The following LHX3 variants were observed in gnomAD, a reference collection of about 807,000 sequenced individuals.
LHX3 encodes LIM homeobox 3, also known as LIM/homeobox protein Lhx3.
A neutral mutation model predicts 32.4 loss-of-function variants in LHX3; 21 were observed. The ratio of observed to expected loss-of-function variants is 0.65; its 90% CI spans 0.46 to 0.93. The LOEUF (loss-of-function observed/expected upper bound fraction) is 0.93. LHX3 is among the 40% of genes least tolerant of loss of function. The probability of loss-of-function intolerance (pLI) is 0.00; values close to 1 mark genes in which losing one functional copy is unlikely to be tolerated. For missense variants in LHX3, 626 were observed against 560.0 expected, an observed-to-expected ratio of 1.12 and a Z score of -1.19; for synonymous variants, 258 against 246.8, an observed-to-expected ratio of 1.05 and a Z score of -0.43.
Position 136,197,061 on chromosome 9 carries a change from G to A in LHX3, c.*264C>T. 1 of 579,400 alleles carries A rather than the reference G, an allele frequency of 1.7e-6. No homozygotes were observed. Among genetic ancestry groups the A allele is most frequent in the South Asian group, 2.1e-5 (1 of 48,200 alleles). The allele number at this position is 579,400 out of a possible 1,614,324, so 35.9% of individuals were successfully genotyped here. ...AATAGCAGCAAGTGCTCAGTTAATT[G>A]GTCAATAAAGGGGAGAAATTTGCTT... On this transcript the variant is annotated 3_prime_UTR_variant, in exon 6 of 6. Coordinates refer to ENST00000371748, the MANE Select transcript of LHX3 (RefSeq NM_178138.6).
chr9:136,197,520 G>T lies in LHX3; in HGVS notation c.999C>A (p.Leu333=). Residue 333 remains leucine (L), a synonymous_variant, in exon 6 of 6, where the codon CTC becomes CTA. Coordinates refer to ENST00000371748, the MANE Select transcript of LHX3 (RefSeq NM_178138.6). The part of the protein sequence containing the change: ...APQSLPGPQP[L]LSSLVYPDTS... ...TGTCTGGGTACACCAGGCTGGAGAG[G>T]AGGGGCTGGGGGCCAGGGAGGCTCT... 1 of 1,537,614 alleles carries T rather than the reference G, an allele frequency of 6.5e-7. No homozygotes were observed. The highest frequency in any genetic ancestry group is 1.2e-5 in the South Asian group (1 of 83,134).
rs773818133 is a variant in LHX3 at position 136,197,276 on chromosome 9, C to G, written c.*49G>C. On this transcript the variant is annotated 3_prime_UTR_variant, in exon 6 of 6. Transcript: ENST00000371748. ...AACCCCAGCAGCCCCGAGCCGCCCACCCAGGGGCAGCTCCCTCGTGTGAGG... is the reference window on the plus strand; with the variant it reads ...AACCCCAGCAGCCCCGAGCCGCCCAGCCAGGGGCAGCTCCCTCGTGTGAGG... 6.9e-6 allele frequency: 11 copies of G among 1,599,376 alleles called. No individual in the cohort carries two copies. In the African/African-American group the frequency reaches 1.5e-4, roughly 21 times the overall value.
chr9:136,198,619 T>TG (rs1564282073), intron 5 of LHX3, 33 bp downstream of exon 5: 3 of 1,519,254 alleles, frequency 2.0e-6, no homozygotes, highest in Non-Finnish European at 2.7e-6. Flanking sequence ...CGCGCGCTCG[T>TG]CCCCCCCCGA....
At chr9:136,200,467 TG>T in intron 2 of LHX3, 114 bp downstream of exon 2, 2 of 1,206,990 alleles carry the variant, frequency 1.7e-6, no homozygotes, top group Non-Finnish European at 2.4e-6. Context: ...AGGAGTGGGC[TG>T]GGATTGCGAG....
At chr9:136,201,909 G>T (rs1831648729) in intron 1 of LHX3, among the ~76,000 whole-genome samples, 1 of 152,084 alleles carries the variant, frequency 6.6e-6, no homozygotes, top group Admixed American at 6.5e-5. Flanking sequence ...ACACAGCGCG[G>T]ATTCAGCACC....
rs1406150896 is a variant in LHX3 at position 136,205,020 on chromosome 9, A to G, written c.-8T>C. 5.1e-6 allele frequency: 8 copies of G among 1,573,578 alleles called. No individual in the cohort carries two copies. The highest frequency in any genetic ancestry group is 1.3e-5 in the African/African-American group (1 of 74,278). ...CCCCGTTTCCAGCAGCATCGCGGCC[A>G]CCAGGCCGAGTGGCGCGAGACGCGC... On this transcript the variant is annotated 5_prime_UTR_variant, in exon 1 of 6. Coordinates refer to ENST00000371748, the MANE Select transcript of LHX3 (RefSeq NM_178138.6).
chr9:136,201,183 A>G, intron 1 of LHX3: 1 of 1,354,142 alleles, frequency 7.4e-7, no homozygotes, highest in East Asian at 2.7e-5. Flanking sequence ...GGGGCACCCC[A>G]TCGGGTCTCC....
In LHX3 at chr9:136,197,750, C is replaced by T. The variant is rs765733864; in HGVS notation, c.776-7G>A. On this transcript the variant is annotated splice_region_variant and splice_polypyrimidine_tract_variant and intron_variant, in intron 5 of 5. Transcript: ENST00000371748. ...TCCGCCAAGGAAGGCTCATCTGCAA[C>T]AGAAGCAGAGGCTCAGTCAGCGCCT... is the stretch of plus-strand genomic sequence containing the variant. The T allele has an allele frequency of 6.2e-7, 1 of 1,600,144 alleles. No individual in the cohort carries two copies. Among genetic ancestry groups the T allele is most frequent in the Non-Finnish European group, 8.5e-7 (1 of 1,179,674 alleles).
chr9:136,202,622 G>C (rs978529581), intron 1 of LHX3, among the ~76,000 whole-genome samples: 4 of 151,990 alleles, frequency 2.6e-5, no homozygotes, highest in Non-Finnish European at 5.9e-5. Context: ...CTGTCCCGTG[G>C]TCACTGCCCC....
At chr9:136,199,972 G>T in intron 2 of LHX3, 92 bp from the exon 3 acceptor site, 1 of 1,354,234 alleles carries the variant, frequency 7.4e-7, no homozygotes, top group Non-Finnish European at 1.0e-6. Context: ...TGCCTGGGAA[G>T]GCGGCCCCGG....
chr9:136,199,873 C>A lies in LHX3; in HGVS notation c.259G>T (p.Gly87Trp). 6.3e-7 allele frequency: 1 copy of A among 1,591,186 alleles called. No homozygotes were observed. Among genetic ancestry groups the A allele is most frequent in the Non-Finnish European group, 8.6e-7 (1 of 1,169,374 alleles). Reference sequence around the variant, plus strand: ...AGCTGGCACGCGGCGCACTTGGTCCCGAAGCGCCTGCGGGACGCACAGGGC... The same window carrying A: ...AGCTGGCACGCGGCGCACTTGGTCCAGAAGCGCCTGCGGGACGCACAGGGC... ...YCKDDFFKRF[G>W]TKCAACQLGI... is the part of the protein sequence containing the mutation. Residue 87 changes from glycine (G) to tryptophan (W), a missense_variant, in exon 3 of 6, where the codon GGG becomes TGG. Coordinates refer to ENST00000371748, the MANE Select transcript of LHX3 (RefSeq NM_178138.6).
At chr9:136,200,027 G>T in intron 2 of LHX3, 147 bp from the exon 3 acceptor site, 1 of 834,370 alleles carries the variant, frequency 1.2e-6, no homozygotes, top group Non-Finnish European at 2.0e-6. Context: ...CAGCCTGGCC[G>T]CCGGGGCAGA....
chr9:136,199,845 C>A lies in LHX3; in HGVS notation c.287G>T (p.Gly96Val). The change falls in exon 3 of 6, where the codon GGC becomes GTC. Residue 96 changes from glycine (G) to valine (V), a missense_variant. Coordinates refer to ENST00000371748, the MANE Select transcript of LHX3 (RefSeq NM_178138.6). ...FGTKCAACQLGIPPTQVVRRA... is the reference protein window; with the variant it reads ...FGTKCAACQLVIPPTQVVRRA... ...GCGCACCACCTGCGTGGGCGGGATG[C>A]CCAGCTGGCACGCGGCGCACTTGGT... is the stretch of plus-strand genomic sequence containing the variant. 2 of 1,606,408 alleles carry A rather than the reference C, an allele frequency of 1.2e-6. No homozygotes were observed. The highest frequency in any genetic ancestry group is 1.7e-6 in the Non-Finnish European group (2 of 1,176,764).
intron 1 of LHX3, chr9:136,202,820 G>T: frequency 3.5e-6 from 4 of 1,134,720 alleles, no homozygotes; most frequent in South Asian, 1.3e-5. Context: ...AGGCGCGGAC[G>T]TTCCGGGGTC....
rs1046407743 is a variant in LHX3, at chr9:136,196,297, C to A, written c.*1028G>T. ...TTGAAGTCTTGGAAAGAGCTGATCACCCGAGAATAAATAAAAGACACAGAA... is the reference window on the plus strand; with the variant it reads ...TTGAAGTCTTGGAAAGAGCTGATCAACCGAGAATAAATAAAAGACACAGAA... On this transcript the variant is annotated 3_prime_UTR_variant, in exon 6 of 6. Coordinates refer to ENST00000371748, the MANE Select transcript of LHX3 (RefSeq NM_178138.6). 1.3e-5 allele frequency: 2 copies of A among 152,406 alleles called. No homozygotes were observed. Among genetic ancestry groups the A allele is most frequent in the African/African-American group, 4.8e-5 (2 of 41,466 alleles). 9.4% of individuals were successfully genotyped at this position (152,406 alleles called of 1,614,324 possible).
At chr9:136,201,015 C>A in intron 1 of LHX3, 1 of 911,180 alleles carries the variant, frequency 1.1e-6, no homozygotes, top group South Asian at 1.8e-5. Flanking sequence ...GAAAGCAGCC[C>A]AGGCCATTTC....
chr9:136,200,428 C>G, intron 2 of LHX3, 154 bp downstream of exon 2: 2 of 857,918 alleles, frequency 2.3e-6, no homozygotes, highest in South Asian at 1.5e-5. Context: ...TTAATTTGGC[C>G]AGGCCACAGG....
chr9:136,196,844 T>G lies in LHX3; in HGVS notation c.*481A>C, dbSNP rs537092550. 1 of 179,106 alleles carries G rather than the reference T, an allele frequency of 5.6e-6. No homozygotes were observed. The highest frequency in any genetic ancestry group is 1.6e-4 in the East Asian group (1 of 6,424). The allele number at this position is 179,106 out of a possible 1,614,324, so 11.1% of individuals were successfully genotyped here. A position where few individuals can be genotyped will look rare whatever the true frequency, so the allele number is the denominator to read the frequency against. On this transcript the variant is annotated 3_prime_UTR_variant, in exon 6 of 6. Transcript: ENST00000371748. ...GTGTGTCCCCGCCTCTGCAGCCTCT[T>G]GCCTCGACAGGCAAGGCCAATCTCC...
intron 5 of LHX3, 45 bp from the exon 6 acceptor site, chr9:136,197,788 CG>C: frequency 6.3e-7 from 1 of 1,590,398 alleles, no homozygotes; most frequent in South Asian, 1.1e-5. Context: ...CCTCCACCTG[CG>C]GCCCCTCAGA....
Sources: allele counts gnomAD v4.1 joint callset (sites outside exome capture counted in the v4.1 genomes callset), GRCh38; gene constraint gnomAD v4.1.1; transcripts MANE v1.5; gene names NCBI Gene and HGNC (gene_info 2026-07-23, HGNC 2026-07-21).